The following ATP11C variants were observed in gnomAD, a reference collection of about 807,000 sequenced individuals.
ATP11C encodes the protein phospholipid-transporting ATPase IG.
ATP11C carries 36 observed loss-of-function variants against 97.4 expected under a neutral mutation model. The observed-to-expected ratio is 0.37, with a 90% CI of 0.28 to 0.49. The LOEUF (loss-of-function observed/expected upper bound fraction) is 0.49, where lower values mean the gene tolerates loss of function less well. Ranked by LOEUF, ATP11C falls within the 20% of genes least tolerant of loss-of-function variation. ATP11C has a pLI of 0.98. For missense variants in ATP11C, 730 were observed against 824.6 expected (o/e 0.89, Z 1.40); for synonymous variants, 275 against 290.9 (o/e 0.95, Z 0.56).
chrX:139,906,419 A>C (rs1199601237), intron 1 of ATP11C, among the ~76,000 whole-genome samples: 2 of 2,926 alleles, frequency 6.8e-4, no homozygotes, highest in African/African-American at 2.9e-3. Context: ...ACTGTCTCCA[A>C]AAAAAACGAA....
At chrX:139,824,440 G>A (rs1047550645) in intron 2 of ATP11C, among the ~76,000 whole-genome samples, 1 of 111,682 alleles carries the variant, frequency 9.0e-6, no homozygotes, top group African/African-American at 3.3e-5. Flanking sequence ...AGTGGTTCAC[G>A]CCTGTAATCC....
In ATP11C at chrX:139,761,421, CAA is replaced by C. The variant is rs747291138; in HGVS notation, c.2640+538_2640+539del. 4.5e-5 allele frequency among the ~76,000 whole-genome samples: 5 copies of C among 111,941 alleles called. No individual in the cohort carries two copies. The South Asian group carries it at 1.9e-3, about 42-fold the overall frequency. ...ACAAAAGACCAGCAAGGTCACATAT[CAA>C]AGTGTTACCACTGGTTCTCTTGGTT... On this transcript the variant is annotated intron_variant, in intron 22 of 29. Transcript: ENST00000682941.
intron 2 of ATP11C, among the ~76,000 whole-genome samples, chrX:139,820,112 G>A: frequency 9.1e-6 from 1 of 110,447 alleles, no homozygotes; most frequent in East Asian, 2.8e-4. Context: ...CTTAAACCTG[G>A]GAGGCAGCGG....
intron 1 of ATP11C, among the ~76,000 whole-genome samples, chrX:139,918,091 T>C (rs2085185256): frequency 9.0e-6 from 1 of 110,641 alleles, no homozygotes; most frequent in Non-Finnish European, 1.9e-5. Flanking sequence ...GTACAGAAGT[T>C]CCTCAAAAAA....
At chrX:139,917,388 T>C (rs2085170746) in intron 1 of ATP11C, among the ~76,000 whole-genome samples, 1 of 111,440 alleles carries the variant, frequency 9.0e-6, no homozygotes, top group Admixed American at 9.6e-5. Context: ...ATCATCACAA[T>C]GAAAAGGCAA....
At chrX:139,821,894 T>G (rs888756133) in intron 2 of ATP11C, among the ~76,000 whole-genome samples, 1 of 112,780 alleles carries the variant, frequency 8.9e-6, no homozygotes, top group Admixed American at 9.3e-5. Flanking sequence ...TTTAGTATAA[T>G]ACAAATGTAA....
At chrX:139,930,675 G>A (rs1419879768) in intron 1 of ATP11C, among the ~76,000 whole-genome samples, 2 of 112,125 alleles carry the variant, frequency 1.8e-5, no homozygotes, top group Non-Finnish European at 3.8e-5. Context: ...CAAGATGATT[G>A]ATATGTACAA....
chrX:139,799,980 T>C, intron 8 of ATP11C, 80 bp downstream of exon 8: 2 of 798,578 alleles, frequency 2.5e-6, no homozygotes, highest in Non-Finnish European at 1.9e-6. Context: ...AGAAAGGTAT[T>C]TGGCTATTTT....
chrX:139,921,965 G>T (rs2085265344), intron 1 of ATP11C, among the ~76,000 whole-genome samples: 1 of 109,452 alleles, frequency 9.1e-6, no homozygotes, highest in African/African-American at 3.3e-5. Flanking sequence ...AGCACTTTGG[G>T]AGGCTGAGTC....
At chrX:139,747,276 G>C (rs939638362) in intron 24 of ATP11C, among the ~76,000 whole-genome samples, 3 of 112,070 alleles carry the variant, frequency 2.7e-5, no homozygotes, top group Admixed American at 9.4e-5. Context: ...AAAGCAGGAA[G>C]TAGTTCCTGT....
rs191756739 is a variant in ATP11C at position 139,748,941 on chromosome X, T to G, written c.2828+1084A>C. ...AATGTGACCATTGACTATTTGATATTAAGGACTTAAGTGATAGGGTATTAT... is the reference window on the plus strand; with the variant it reads ...AATGTGACCATTGACTATTTGATATGAAGGACTTAAGTGATAGGGTATTAT... On this transcript the variant is annotated intron_variant, in intron 24 of 29. Coordinates refer to ENST00000682941, the MANE Select transcript of ATP11C (RefSeq NM_001353812.2). Among the ~76,000 whole-genome samples, 4 of 112,012 alleles carry G rather than the reference T, an allele frequency of 3.6e-5. No individual in the cohort carries two copies. In the East Asian group the frequency reaches 1.1e-3, roughly 32 times the overall value.
At position 139,738,794 on chromosome X, in the gene ATP11C, C is replaced by T. The variant is rs145066502; in HGVS notation, c.3135-725G>A. On this transcript the variant is annotated intron_variant, in intron 27 of 29. Coordinates refer to ENST00000682941, the MANE Select transcript of ATP11C (RefSeq NM_001353812.2). ...TCTGTCTGAGCTGAACCACAGAGAG[C>T]CTCAGTAGGTGAAGCTATTGTTCTT... 1.2e-3 allele frequency among the ~76,000 whole-genome samples: 130 copies of T among 110,320 alleles called. 1 individual carries two copies. In the East Asian group the frequency reaches 0.035, roughly 30 times the overall value.
chrX:139,893,624 C>A (rs2148077764), intron 1 of ATP11C, among the ~76,000 whole-genome samples: 1 of 110,554 alleles, frequency 9.0e-6, no homozygotes, highest in South Asian at 3.8e-4. Flanking sequence ...CTCTTATTTC[C>A]CATTCTGAAC....
intron 19 of ATP11C, among the ~76,000 whole-genome samples, chrX:139,774,200 T>C (rs778187764): frequency 8.9e-6 from 1 of 111,840 alleles, no homozygotes; most frequent in Non-Finnish European, 1.9e-5. Flanking sequence ...TAGTTGAAAG[T>C]AGAGTCAAAG....
chrX:139,796,508 C>T (rs2082799649), intron 11 of ATP11C, 38 bp from the exon 12 acceptor site: 1 of 881,736 alleles, frequency 1.1e-6, no homozygotes, highest in Non-Finnish European at 1.6e-6. Context: ...ATTAGACATA[C>T]AATTTCATCA....
intron 1 of ATP11C, among the ~76,000 whole-genome samples, chrX:139,853,392 AAG>A (rs1263662458): frequency 9.1e-6 from 1 of 109,591 alleles, no homozygotes; most frequent in Non-Finnish European, 1.9e-5. Flanking sequence ...GAAGAGAGAG[AAG>A]AGGCAAAGAG....
At chrX:139,920,452 AG>A (rs2085241087) in intron 1 of ATP11C, among the ~76,000 whole-genome samples, 1 of 111,821 alleles carries the variant, frequency 8.9e-6, no homozygotes, top group African/African-American at 3.3e-5. Context: ...TCAGTCACAA[AG>A]GAACACATAT....
intron 1 of ATP11C, among the ~76,000 whole-genome samples, chrX:139,900,887 C>G (rs759309035): frequency 8.9e-6 from 1 of 111,767 alleles, no homozygotes; most frequent in East Asian, 2.8e-4. Flanking sequence ...GAAGGTAGGG[C>G]CTTTGAGAGG....
At chrX:139,812,500 A>G (rs1221322408) in intron 5 of ATP11C, among the ~76,000 whole-genome samples, 1 of 109,261 alleles carries the variant, frequency 9.2e-6, no homozygotes, top group East Asian at 2.9e-4. Flanking sequence ...AACAGATTGG[A>G]TGCTATGAAT....
Sources: allele counts gnomAD v4.1 joint callset (sites outside exome capture counted in the v4.1 genomes callset), GRCh38; gene constraint gnomAD v4.1.1; transcripts MANE v1.5; gene names NCBI Gene and HGNC (gene_info 2026-07-23, HGNC 2026-07-21).